The following PDE4D variants were observed in gnomAD, a reference collection of about 807,000 sequenced individuals.
The protein encoded by PDE4D is 3',5'-cyclic-AMP phosphodiesterase 4D.
A neutral mutation model predicts 87.4 loss-of-function variants in PDE4D; 24 were observed. The ratio of observed to expected loss-of-function variants is 0.27; its 90% CI spans 0.20 to 0.39. PDE4D has a LOEUF of 0.39. PDE4D is among the 10% of genes least tolerant of loss of function. The pLI, the probability that PDE4D is intolerant of heterozygous loss-of-function variation, is 1.00. For synonymous variants in PDE4D, 384 were observed against 383.2 expected, an observed-to-expected ratio of 1.00 and a Z score of -0.02; for missense variants, 714 against 1,041.0, an observed-to-expected ratio of 0.69 and a Z score of 4.32.
At chr5:59,555,973 G>GA (rs1479034589) in intron 1 of PDE4D, among the ~76,000 whole-genome samples, 2 of 152,108 alleles carry the variant, frequency 1.3e-5, no homozygotes, top group African/African-American at 4.8e-5. Context: ...GGAAGATGTG[G>GA]AATGATCCTA....
intron 3 of PDE4D, among the ~76,000 whole-genome samples, chr5:59,955,833 G>T (rs1758771460): frequency 6.6e-6 from 1 of 151,860 alleles, no homozygotes; most frequent in African/African-American, 2.4e-5. Flanking sequence ...ATAGGGAAAT[G>T]TATCACCAAG....
intron 3 of PDE4D, among the ~76,000 whole-genome samples, chr5:59,974,497 A>G (rs1761101423): frequency 6.6e-6 from 1 of 152,182 alleles, no homozygotes; most frequent in Non-Finnish European, 1.5e-5. Context: ...AGAAGTACTG[A>G]AACACCAGAA....
chr5:59,827,034 T>C (rs1910790), intron 1 of PDE4D, among the ~76,000 whole-genome samples: 10,606 of 151,996 alleles, frequency 0.07, 1,274 homozygotes, highest in African/African-American at 0.24. Flanking sequence ...ACTTTGGGGA[T>C]ATGATTAATT....
At position 59,430,358 on chromosome 5, in the gene PDE4D, C is replaced by T. The variant is rs1173041911; in HGVS notation, c.456-214390G>A. On this transcript the variant is annotated intron_variant, in intron 1 of 14. Transcript: ENST00000340635. ...GCGTATGGTGATCCATGAACATAAG[C>T]GCTTCGGAATCTAGCCACCTTCCCC... 4.1e-5 allele frequency: 51 copies of T among 1,231,182 alleles called. No homozygotes were observed. The highest frequency in any genetic ancestry group is 4.9e-5 in the Non-Finnish European group (48 of 987,700). The allele number at this position is 1,231,182 out of a possible 1,614,324, so 76.3% of individuals were successfully genotyped here.
At chr5:58,982,807 C>G (rs1365812810) in intron 11 of PDE4D, among the ~76,000 whole-genome samples, 2 of 152,178 alleles carry the variant, frequency 1.3e-5, no homozygotes, top group African/African-American at 4.8e-5. Context: ...TGGGTGATGA[C>G]AGGGGTGGCT....
chr5:59,786,530 A>G (rs1387190552), intron 1 of PDE4D, among the ~76,000 whole-genome samples: 1 of 152,214 alleles, frequency 6.6e-6, no homozygotes, highest in African/African-American at 2.4e-5. Flanking sequence ...AGTGATGATG[A>G]AGCACTTGGA....
At chr5:59,232,302 A>T (rs894093234) in intron 1 of PDE4D, among the ~76,000 whole-genome samples, 1 of 152,182 alleles carries the variant, frequency 6.6e-6, no homozygotes, top group Non-Finnish European at 1.5e-5. Context: ...GAATATGCCA[A>T]GAACTCAAGT....
rs560908671 is a variant in PDE4D, at chr5:59,483,605, G to A, written c.456-267637C>T. 2.0e-4 allele frequency among the ~76,000 whole-genome samples: 31 copies of A among 152,250 alleles called. No homozygotes were observed. The South Asian group carries it at 5.0e-3, about 24-fold the overall frequency. ...CATTGCTGATACTAAGGTAATGCCC[G>A]TTTACTTTCCTCTGTTTTGTGTGGC... On this transcript the variant is annotated intron_variant, in intron 1 of 14. Coordinates refer to ENST00000340635, the MANE Select transcript of PDE4D (RefSeq NM_001104631.2).
At chr5:59,520,409 A>G (rs1009864738) in intron 1 of PDE4D, among the ~76,000 whole-genome samples, 2 of 152,194 alleles carry the variant, frequency 1.3e-5, no homozygotes, top group African/African-American at 4.8e-5. Flanking sequence ...GGTGCTTAAA[A>G]AGTTGGTGCG....
At chr5:59,568,135 C>T (rs1821249353) in intron 1 of PDE4D, among the ~76,000 whole-genome samples, 1 of 151,990 alleles carries the variant, frequency 6.6e-6, no homozygotes, top group Admixed American at 6.6e-5. Flanking sequence ...TTGTGTAATG[C>T]TAGAAAGGAT....
At chr5:59,299,344 C>G (rs1354890920) in intron 1 of PDE4D, among the ~76,000 whole-genome samples, 1 of 152,178 alleles carries the variant, frequency 6.6e-6, no homozygotes, top group Non-Finnish European at 1.5e-5. Context: ...TCTTCCAGAA[C>G]CCAACAATGG....
chr5:59,769,420 A>G (rs1260135540), intron 1 of PDE4D, among the ~76,000 whole-genome samples: 1 of 152,212 alleles, frequency 6.6e-6, no homozygotes, highest in African/African-American at 2.4e-5. Flanking sequence ...AGTAGTTTCA[A>G]TTACTATTTG....
At chr5:59,149,646 G>A (rs556720134) in intron 5 of PDE4D, among the ~76,000 whole-genome samples, 4 of 148,124 alleles carry the variant, frequency 2.7e-5, no homozygotes, top group Admixed American at 2.0e-4. Context: ...CTGGTTCTCC[G>A]TGGTTATATG....
At chr5:59,633,598 A>G (rs1370299276) in intron 1 of PDE4D, among the ~76,000 whole-genome samples, 1 of 152,202 alleles carries the variant, frequency 6.6e-6, no homozygotes, top group African/African-American at 2.4e-5. Flanking sequence ...ATTCTTAAAG[A>G]GAAGAATTTG....
At chr5:59,724,775 TG>T (rs2150574119) in intron 1 of PDE4D, among the ~76,000 whole-genome samples, 1 of 152,218 alleles carries the variant, frequency 6.6e-6, no homozygotes, top group East Asian at 1.9e-4. Flanking sequence ...CAAGGATTGC[TG>T]GAAATAACTG....
chr5:60,297,514 A>C (rs903509942), intron 1 of PDE4D, among the ~76,000 whole-genome samples: 1 of 152,240 alleles, frequency 6.6e-6, no homozygotes, highest in Non-Finnish European at 1.5e-5. Context: ...TGGTTACCAA[A>C]CATGCTATAA....
chr5:60,337,117 T>G (rs1583458482), intron 1 of PDE4D, among the ~76,000 whole-genome samples: 1 of 148,110 alleles, frequency 6.8e-6, no homozygotes. Flanking sequence ...GTCAGGAGTT[T>G]GAGACCAGCC....
intron 2 of PDE4D, among the ~76,000 whole-genome samples, chr5:60,149,725 G>A (rs1781327478): frequency 6.6e-6 from 1 of 151,208 alleles, no homozygotes; most frequent in Admixed American, 6.6e-5. Context: ...TGATACTCTA[G>A]GACTATGTTC....
intron 2 of PDE4D, among the ~76,000 whole-genome samples, chr5:60,161,939 G>A (rs893662125): frequency 3.3e-5 from 5 of 152,094 alleles, no homozygotes; most frequent in Admixed American, 2.0e-4. Flanking sequence ...TTTAGTGGCA[G>A]AACCCTGGTC....
Sources: gnomAD v4.1 joint callset for allele counts (sites outside exome capture counted in the v4.1 genomes callset) on GRCh38, gnomAD v4.1.1 for gene constraint, MANE v1.5 for transcripts, NCBI Gene and HGNC (gene_info 2026-07-23, HGNC 2026-07-21) for gene names.